CDH1: variants seen among roughly 807,000 people sequenced by gnomAD.
The protein encoded by CDH1 is cadherin-1.
Under a neutral mutation model 84.5 loss-of-function variants are expected in CDH1, and 35 were observed. The ratio of observed to expected loss-of-function variants is 0.41; its 90% CI spans 0.32 to 0.55. The LOEUF is 0.55. CDH1 is among the 20% of genes least tolerant of loss of function. The pLI is 0.19. For synonymous variants in CDH1, 417 were observed against 439.0 expected (o/e 0.95, Z 0.63); for missense variants, 994 against 1,126.6 (o/e 0.88, Z 1.68).
At chr16:68,815,464 TA>T (rs1195998527) in intron 9 of CDH1, 50 bp from the exon 10 acceptor site, 8 of 1,611,884 alleles carry the variant, frequency 5.0e-6, no homozygotes, top group Non-Finnish European at 6.8e-6. Flanking sequence ...TTATTTTTAC[TA>T]ACACAAAATG....
At position 68,738,936 on chromosome 16, in the gene CDH1, C is replaced by CTTTTTTTTTTTT. The variant is rs1555509828; in HGVS notation, c.163+542_163+553dup. Among the ~76,000 whole-genome samples, 20 of 11,438 alleles carry CTTTTTTTTTTTT rather than the reference C, an allele frequency of 1.7e-3. 8 individuals are homozygous for CTTTTTTTTTTTT. Among genetic ancestry groups the CTTTTTTTTTTTT allele is most frequent in the Non-Finnish European group, 3.2e-3 (14 of 4,330 alleles). The allele number at this position is 11,438 out of a possible 152,430, so 7.5% of individuals were successfully genotyped here. A position where few individuals can be genotyped will look rare whatever the true frequency, so the allele number is the denominator to read the frequency against. On this transcript the variant is annotated intron_variant, in intron 2 of 15. Transcript: ENST00000261769. ...TGGCTTTTGTTTACAGATATAAAAGCTTTTTTTTTTTTTTTTTTTTTTTTT... is the reference window on the plus strand; with the variant it reads ...TGGCTTTTGTTTACAGATATAAAAGCTTTTTTTTTTTTTTTTTTTTTTTTTTTTTTTTTTTTT...
chr16:68,757,277 C>CA (rs1963039708), intron 2 of CDH1, among the ~76,000 whole-genome samples: 2 of 152,062 alleles, frequency 1.3e-5, no homozygotes, highest in Non-Finnish European at 2.9e-5. Flanking sequence ...TTAGTAGAGA[C>CA]AGGGTTTCAC....
intron 8 of CDH1, 61 bp downstream of exon 8, chr16:68,812,324 G>A (rs2152132811): frequency 6.4e-7 from 1 of 1,553,514 alleles, no homozygotes; most frequent in East Asian, 2.2e-5. Flanking sequence ...CATGAACTAA[G>A]TGTCACCACT....
At chr16:68,765,494 A>G (rs1959343318) in intron 2 of CDH1, 1 of 152,040 alleles carries the variant, frequency 6.6e-6, no homozygotes, top group South Asian at 2.1e-4. Context: ...CTGCTTTTTA[A>G]TTTTTTTGGA....
chr16:68,738,182 G>T (rs764191610), intron 1 of CDH1, 115 bp from the exon 2 acceptor site: 188 of 692,442 alleles, frequency 2.7e-4, no homozygotes, highest in Non-Finnish European at 3.6e-4. Flanking sequence ...CTGCGGGCTG[G>T]GGTCCTCCCC....
intron 2 of CDH1, among the ~76,000 whole-genome samples, chr16:68,789,518 C>CTTTTT (rs549644747): frequency 1.4e-5 from 2 of 142,802 alleles, no homozygotes; most frequent in African/African-American, 5.1e-5. Context: ...ATTGGCTCAT[C>CTTTTT]TTTTTTTTTT....
At position 68,737,375 on chromosome 16, in the gene CDH1, C is replaced by T. The variant is rs730881658; in HGVS notation, c.-41C>T. 1.3e-6 allele frequency: 2 copies of T among 1,521,282 alleles called. No homozygotes were observed. Among genetic ancestry groups the T allele is most frequent in the Non-Finnish European group, 8.8e-7 (1 of 1,137,710 alleles). 94.2% of individuals were successfully genotyped at this position (1,521,282 alleles called of 1,614,324 possible). On this transcript the variant is annotated 5_prime_UTR_variant, in exon 1 of 16. Transcript: ENST00000261769. ...CCGCTCCAGCCCGGCCCGACCCGAC[C>T]GCACCCGGCGCCTGCCCTCGCTCGG...
At chr16:68,748,111 C>CTTTT (rs35209843) in intron 2 of CDH1, among the ~76,000 whole-genome samples, 1 of 113,156 alleles carries the variant, frequency 8.8e-6, no homozygotes, top group Non-Finnish European at 1.8e-5. Flanking sequence ...AAATTATTTA[C>CTTTT]TTTTTTTTTT....
chr16:68,809,550 G>A (rs995880706), intron 5 of CDH1, among the ~76,000 whole-genome samples: 1 of 151,654 alleles, frequency 6.6e-6, no homozygotes, highest in African/African-American at 2.4e-5. Context: ...TTTTGAGACC[G>A]AGTCTACCTG....
chr16:68,765,896 C>T (rs763177145), intron 2 of CDH1, among the ~76,000 whole-genome samples: 14 of 152,098 alleles, frequency 9.2e-5, no homozygotes, highest in Non-Finnish European at 1.6e-4. Context: ...GATTGGGAAC[C>T]CTTCACTTAC....
chr16:68,754,440 A>G (rs1401268380), intron 2 of CDH1, among the ~76,000 whole-genome samples: 3 of 152,000 alleles, frequency 2.0e-5, no homozygotes, highest in African/African-American at 2.4e-5. Flanking sequence ...TTGTTGTTGT[A>G]CTCTGTATTG....
At chr16:68,815,785 C>T in intron 10 of CDH1, 26 bp downstream of exon 10, 1 of 1,613,018 alleles carries the variant, frequency 6.2e-7, no homozygotes, top group Non-Finnish European at 8.5e-7. Flanking sequence ...TTTCAACTGA[C>T]TTGCAGCAAC....
intron 2 of CDH1, among the ~76,000 whole-genome samples, chr16:68,783,544 TG>T (rs1489269428): frequency 6.6e-6 from 1 of 152,208 alleles, no homozygotes; most frequent in Non-Finnish European, 1.5e-5. Flanking sequence ...ACCGATTTCT[TG>T]TTTCCTTCTG....
chr16:68,762,912 CAAAAAAAAAAAAAAAAAA>C (rs55899466), intron 2 of CDH1, among the ~76,000 whole-genome samples: 3 of 61,480 alleles, frequency 4.9e-5, no homozygotes, highest in African/African-American at 1.4e-4. Context: ...GATTCCGTCT[CAAAAAAAAAAAAAAAAAA>C]AAAAAAAAAA....
At chr16:68,823,318 GTT>G in intron 12 of CDH1, 79 bp from the exon 13 acceptor site, 5 of 998,548 alleles carry the variant, frequency 5.0e-6, no homozygotes, top group Non-Finnish European at 7.9e-6. Context: ...GGTGTCTTTA[GTT>G]CACTAGCAAT....
At chr16:68,794,685 C>CTTTTT (rs34110311) in intron 2 of CDH1, among the ~76,000 whole-genome samples, 1 of 126,446 alleles carries the variant, frequency 7.9e-6, no homozygotes, top group Non-Finnish European at 1.7e-5. Context: ...GCCGGGCTAA[C>CTTTTT]TTTTTTTTTT....
chr16:68,737,386 C>T lies in CDH1; in HGVS notation c.-30C>T. The stretch of plus-strand genomic sequence containing the variant: ...CGGCCCGACCCGACCGCACCCGGCG[C>T]CTGCCCTCGCTCGGCGTCCCCGGCC... On this transcript the variant is annotated 5_prime_UTR_variant, in exon 1 of 16. Transcript: ENST00000261769. 2.6e-6 allele frequency: 4 copies of T among 1,528,598 alleles called. No homozygotes were observed. Among genetic ancestry groups the T allele is most frequent in the East Asian group, 2.5e-5 (1 of 40,616 alleles). 94.7% of individuals were successfully genotyped at this position (1,528,598 alleles called of 1,614,324 possible).
intron 1 of CDH1, among the ~76,000 whole-genome samples, chr16:68,737,769 G>T (rs1461679664): frequency 6.6e-6 from 1 of 152,122 alleles, no homozygotes; most frequent in Non-Finnish European, 1.5e-5. Flanking sequence ...CGGGGTGTAG[G>T]GGGTGGGGTG....
At position 68,813,310 on chromosome 16, in the gene CDH1, C is replaced by T. The variant is rs36103202; in HGVS notation, c.1138-3C>T. On this transcript the variant is annotated splice_region_variant and splice_polypyrimidine_tract_variant and intron_variant, in intron 8 of 15. Coordinates refer to ENST00000261769, the MANE Select transcript of CDH1 (RefSeq NM_004360.5). Reference sequence around the variant, plus strand: ...GTAAATGACACATCTCTTTGCTCTGCAGTACAAGGGTCAGGTGCCTGAGAA... The same window carrying T: ...GTAAATGACACATCTCTTTGCTCTGTAGTACAAGGGTCAGGTGCCTGAGAA... 152 of 1,613,954 alleles carry T rather than the reference C, an allele frequency of 9.4e-5. 3 individuals carry two copies. The African/African-American group carries it at 1.6e-3, about 17-fold the overall frequency.
Sources: gnomAD v4.1 joint callset for allele counts (sites outside exome capture counted in the v4.1 genomes callset) on GRCh38, gnomAD v4.1.1 for gene constraint, MANE v1.5 for transcripts, NCBI Gene and HGNC (gene_info 2026-07-23, HGNC 2026-07-21) for gene names.